FAF1: variants seen among roughly 807,000 people sequenced by gnomAD.
The protein encoded by FAF1 is Fas associated factor 1.
In FAF1, 25 loss-of-function variants were observed where a neutral mutation model predicts 92.5. The ratio of observed to expected loss-of-function variants is 0.27; its 90% CI spans 0.20 to 0.38. FAF1 has a LOEUF of 0.38. Ranked by LOEUF, FAF1 falls within the 10% of genes least tolerant of loss-of-function variation. The pLI is 1.00. For missense variants in FAF1, 636 were observed against 793.3 expected (o/e 0.80, Z 2.38); for synonymous variants, 234 against 273.2 (o/e 0.86, Z 1.42).
intron 15 of FAF1, among the ~76,000 whole-genome samples, chr1:50,502,403 G>T (rs779665118): frequency 6.6e-6 from 1 of 152,264 alleles, no homozygotes; most frequent in South Asian, 2.1e-4. Flanking sequence ...AGCTTAGCCC[G>T]CTTGATTTTA....
chr1:50,485,366 C>T (rs1325892415), intron 17 of FAF1, among the ~76,000 whole-genome samples: 1 of 151,864 alleles, frequency 6.6e-6, no homozygotes, highest in Non-Finnish European at 1.5e-5. Context: ...CACACTGCTA[C>T]AAAGAACTAC....
intron 1 of FAF1, among the ~76,000 whole-genome samples, chr1:50,866,701 A>G (rs1644484491): frequency 6.6e-6 from 1 of 152,156 alleles, no homozygotes; most frequent in Non-Finnish European, 1.5e-5. Context: ...TAGATGACAC[A>G]AATGGACACA....
chr1:50,731,877 G>A (rs1314915617), intron 6 of FAF1, among the ~76,000 whole-genome samples: 1 of 151,912 alleles, frequency 6.6e-6, no homozygotes, highest in Non-Finnish European at 1.5e-5. Flanking sequence ...TGGGATATAT[G>A]TTTTTATTAT....
chr1:50,958,782 T>C (rs1302751272), intron 1 of FAF1, among the ~76,000 whole-genome samples: 2 of 152,272 alleles, frequency 1.3e-5, no homozygotes, highest in South Asian at 2.1e-4. Flanking sequence ...TACTGCCTAC[T>C]AAGCTAGTGT....
chr1:50,742,126 T>C (rs1280603757), intron 5 of FAF1, among the ~76,000 whole-genome samples: 1 of 150,102 alleles, frequency 6.7e-6, no homozygotes, highest in African/African-American at 2.5e-5. Context: ...CTGGAAAACA[T>C]AGCAAGACCC....
intron 8 of FAF1, among the ~76,000 whole-genome samples, chr1:50,638,990 C>T (rs1324916242): frequency 6.6e-6 from 1 of 152,184 alleles, no homozygotes; most frequent in Admixed American, 6.5e-5. Flanking sequence ...CAGTCTCCTC[C>T]ATTACTCCTT....
At chr1:50,459,665 T>C (rs1193319677) in intron 18 of FAF1, among the ~76,000 whole-genome samples, 1 of 152,218 alleles carries the variant, frequency 6.6e-6, no homozygotes, top group Non-Finnish European at 1.5e-5. Context: ...GCCATCTTAG[T>C]ACTGTCTCCC....
At chr1:50,458,977 C>CTT (rs369055144) in intron 18 of FAF1, among the ~76,000 whole-genome samples, 2 of 138,392 alleles carry the variant, frequency 1.4e-5, no homozygotes, top group African/African-American at 2.7e-5. Context: ...TTTTTTTTTT[C>CTT]TTTTTTTTTT....
intron 12 of FAF1, among the ~76,000 whole-genome samples, chr1:50,577,537 A>AAAGAG (rs577600949): frequency 1.2e-3 from 176 of 152,322 alleles, no homozygotes; most frequent in African/African-American, 3.7e-3. Flanking sequence ...AAAGAAAAGA[A>AAAGAG]AAGAGAAGAG....
chr1:50,888,118 G>C (rs561520783), intron 1 of FAF1, among the ~76,000 whole-genome samples: 1 of 152,132 alleles, frequency 6.6e-6, no homozygotes, highest in Admixed American at 6.6e-5. Flanking sequence ...GGATTCCTAG[G>C]TGTTTTATTC....
At chr1:50,768,424 G>A (rs966878295) in intron 4 of FAF1, among the ~76,000 whole-genome samples, 1 of 151,892 alleles carries the variant, frequency 6.6e-6, no homozygotes, top group Non-Finnish European at 1.5e-5. Context: ...CTCAATATTA[G>A]ACCAAAAGAA....
At chr1:50,671,991 T>A (rs987733444) in intron 7 of FAF1, among the ~76,000 whole-genome samples, 34 of 150,916 alleles carry the variant, frequency 2.3e-4, no homozygotes, top group Non-Finnish European at 2.2e-4. Context: ...AGAGAAAAGG[T>A]CTCACTATGT....
intron 12 of FAF1, among the ~76,000 whole-genome samples, chr1:50,571,575 G>C (rs141734869): frequency 2.2e-4 from 33 of 152,338 alleles, no homozygotes; most frequent in African/African-American, 7.5e-4. Flanking sequence ...CCATGAAAAT[G>C]TATTAAAGAT....
chr1:50,944,733 A>C (rs573859918), intron 1 of FAF1, among the ~76,000 whole-genome samples: 3 of 152,340 alleles, frequency 2.0e-5, no homozygotes, highest in Admixed American at 2.0e-4. Flanking sequence ...ACAAGAATTA[A>C]GTCTGAATTC....
chr1:50,885,698 T>A (rs1484739807), intron 1 of FAF1, among the ~76,000 whole-genome samples: 1 of 152,188 alleles, frequency 6.6e-6, no homozygotes, highest in Non-Finnish European at 1.5e-5. Flanking sequence ...CATGAATAAG[T>A]AAAGATTTAC....
At chr1:50,933,607 T>C (rs1413757040) in intron 1 of FAF1, among the ~76,000 whole-genome samples, 1 of 152,198 alleles carries the variant, frequency 6.6e-6, no homozygotes, top group Non-Finnish European at 1.5e-5. Context: ...CCCTCCAAAC[T>C]GTTTCAACCT....
intron 8 of FAF1, among the ~76,000 whole-genome samples, chr1:50,639,076 G>A (rs1201074056): frequency 6.6e-6 from 1 of 152,152 alleles, no homozygotes; most frequent in East Asian, 1.9e-4. Flanking sequence ...ATCACACAGT[G>A]ATGTAGTCTT....
rs981416130 is a variant in FAF1, at chr1:50,779,958, A to C, written c.367+8042T>G. ...AAAAAGAAAAAAAAGGAATCAAAGC[A>C]TATCACTACAAGCACACATGCACAG... On this transcript the variant is annotated intron_variant, in intron 4 of 18. Coordinates refer to ENST00000396153, the MANE Select transcript of FAF1 (RefSeq NM_007051.3). Among the ~76,000 whole-genome samples the C allele has an allele frequency of 2.0e-5, 3 of 149,410 alleles. No individual in the cohort carries two copies. In the South Asian group the frequency reaches 6.4e-4, roughly 32 times the overall value.
intron 17 of FAF1, among the ~76,000 whole-genome samples, chr1:50,486,018 T>G (rs1646764951): frequency 6.6e-6 from 1 of 152,150 alleles, no homozygotes; most frequent in South Asian, 2.1e-4. Context: ...AATTTGATAT[T>G]AGATTTGGGT....
Sources: allele counts gnomAD v4.1 joint callset (sites outside exome capture counted in the v4.1 genomes callset), GRCh38; gene constraint gnomAD v4.1.1; transcripts MANE v1.5; gene names NCBI Gene and HGNC (gene_info 2026-07-23, HGNC 2026-07-21).